CRISPLD1: variants seen among roughly 807,000 people sequenced by gnomAD.
The protein encoded by CRISPLD1 is cysteine rich secretory protein LCCL domain containing 1, also known as cysteine-rich secretory protein LCCL domain-containing 1.
Under a neutral mutation model 77.5 loss-of-function variants are expected in CRISPLD1, and 60 were observed. The observed-to-expected ratio is 0.77, with a 90% CI of 0.63 to 0.96. CRISPLD1 has a LOEUF of 0.96. CRISPLD1 is among the 40% of genes least tolerant of loss of function. CRISPLD1 has a pLI of 0.00. For missense variants in CRISPLD1, 623 were observed against 615.8 expected (o/e 1.01, Z -0.12); for synonymous variants, 195 against 200.1 (o/e 0.97, Z 0.22).
intron 2 of CRISPLD1, 66 bp from the exon 3 acceptor site, chr8:75,012,367 A>G (rs2128785096): frequency 2.2e-6 from 2 of 914,248 alleles, no homozygotes; most frequent in Non-Finnish European, 1.8e-6. Context: ...GAACTGCTCA[A>G]CACTGTGTTC....
At chr8:75,000,115 T>C in intron 2 of CRISPLD1, 1 of 984,330 alleles carries the variant, frequency 1.0e-6, no homozygotes, top group South Asian at 4.7e-5. Context: ...GAATGTCCCC[T>C]GTATGTCATA....
chr8:74,995,733 G>T (rs1311798309), intron 2 of CRISPLD1, among the ~76,000 whole-genome samples: 1 of 152,112 alleles, frequency 6.6e-6, no homozygotes, highest in Non-Finnish European at 1.5e-5. Flanking sequence ...TTTTTATGAT[G>T]ATAAATAGGA....
intron 2 of CRISPLD1, among the ~76,000 whole-genome samples, chr8:75,006,704 T>C (rs1812837296): frequency 1.3e-5 from 2 of 152,240 alleles, no homozygotes; most frequent in South Asian, 4.1e-4. Flanking sequence ...CTAATTTATT[T>C]TATTTATTGA....
intron 12 of CRISPLD1, among the ~76,000 whole-genome samples, chr8:75,021,362 T>C (rs535476425): frequency 6.6e-6 from 1 of 152,304 alleles, no homozygotes; most frequent in East Asian, 1.9e-4. Flanking sequence ...AATAGCCTGT[T>C]TCCTTTCAAA....
chr8:74,991,033 G>T (rs1812565852), intron 2 of CRISPLD1, among the ~76,000 whole-genome samples: 1 of 150,734 alleles, frequency 6.6e-6, no homozygotes, highest in East Asian at 2.0e-4. Context: ...CACTCTGTCA[G>T]CCAGGCTGAA....
rs191319814 is a variant in CRISPLD1, at chr8:75,034,245, G to C, written c.*2003G>C. 6.6e-6 allele frequency: 1 copy of C among 152,026 alleles called. No homozygotes were observed. The highest frequency in any genetic ancestry group is 1.9e-4 in the East Asian group (1 of 5,188). The allele number at this position is 152,026 out of a possible 1,614,324, so 9.4% of individuals were successfully genotyped here. A position where few individuals can be genotyped will look rare whatever the true frequency, so the allele number is the denominator to read the frequency against. ...TGTTTACCTATCTTCTACACAAGGC[G>C]TGTCCTTGGGTAAGTTATTTAACTT... On this transcript the variant is annotated 3_prime_UTR_variant, in exon 15 of 15. Transcript: ENST00000262207.
chr8:75,000,551 C>A, intron 2 of CRISPLD1: 1 of 361,460 alleles, frequency 2.8e-6, no homozygotes, highest in Non-Finnish European at 3.8e-6. Flanking sequence ...TGCCTATTGC[C>A]CTCCCTGTTT....
At chr8:75,002,123 A>T (rs57949488) in intron 2 of CRISPLD1, among the ~76,000 whole-genome samples, 1 of 152,000 alleles carries the variant, frequency 6.6e-6, no homozygotes, top group Non-Finnish European at 1.5e-5. Flanking sequence ...ACATACTCCA[A>T]CCTTTGTTTT....
intron 6 of CRISPLD1, 73 bp from the exon 7 acceptor site, chr8:75,016,487 TTAAAG>T: frequency 7.5e-7 from 1 of 1,341,940 alleles, no homozygotes; most frequent in Admixed American, 2.2e-5. Context: ...AATAGGAGTA[TTAAAG>T]TATATTATTA....
chr8:75,017,821 A>G (rs1447217095), intron 10 of CRISPLD1, among the ~76,000 whole-genome samples: 2 of 152,204 alleles, frequency 1.3e-5, no homozygotes, highest in African/African-American at 4.8e-5. Context: ...ATTTCATGCA[A>G]CAGTAACTTT....
At position 75,014,848 on chromosome 8, in the gene CRISPLD1, G is replaced by T; in HGVS notation, c.663G>T (p.Gly221=). 1.3e-6 allele frequency: 2 copies of T among 1,589,296 alleles called. No homozygotes were observed. Among genetic ancestry groups the T allele is most frequent in the Non-Finnish European group, 1.7e-6 (2 of 1,171,484 alleles). ...GGGGCCATGCCCCTTACAAACATGG[G>T]CGGCCCTGTTCTGCTTGCCCACCTA... The part of the protein sequence containing the change: ...NWWGHAPYKH[G]RPCSACPPSF... Residue 221 remains glycine, a synonymous_variant, in exon 6 of 15, where the codon GGG becomes GGT. Coordinates refer to ENST00000262207, the MANE Select transcript of CRISPLD1 (RefSeq NM_031461.6).
At chr8:74,999,954 G>A (rs925409675) in intron 2 of CRISPLD1, among the ~76,000 whole-genome samples, 4 of 151,028 alleles carry the variant, frequency 2.6e-5, no homozygotes, top group African/African-American at 4.9e-5. Context: ...TACAGCCACC[G>A]ACAGAATAAA....
Position 75,002,489 on chromosome 8 carries a change from TA to T in CRISPLD1, c.259-9933del, listed in dbSNP as rs57220970. ...TGCCACAATAACTAGGGTTCAACAG[TA>T]AAAAAAAAAATAATAATAATGATGA... On this transcript the variant is annotated intron_variant, in intron 2 of 14. Transcript: ENST00000262207. Among the ~76,000 whole-genome samples, 56 of 143,622 alleles carry T rather than the reference TA, an allele frequency of 3.9e-4. 1 individual carries two copies. The highest frequency in any genetic ancestry group is 6.3e-4 in the Admixed American group (9 of 14,196). 94.2% of individuals were successfully genotyped at this position (143,622 alleles called of 152,430 possible). A position where few individuals can be genotyped will look rare whatever the true frequency, so the allele number is the denominator to read the frequency against.
chr8:74,997,379 AG>A (rs1202528354), intron 2 of CRISPLD1, among the ~76,000 whole-genome samples: 1 of 152,132 alleles, frequency 6.6e-6, no homozygotes, highest in African/African-American at 2.4e-5. Context: ...GTTTTTACAA[AG>A]CTCTTTGGTG....
rs913363942 is a variant in CRISPLD1, at chr8:75,014,709, G to A, written c.627-103G>A. ...TTATATGAATGTCTTAAATCTATAC[G>A]CCAAAATAATTACTTAGAATGTTCA... On this transcript the variant is annotated intron_variant, in intron 5 of 14. Coordinates refer to ENST00000262207, the MANE Select transcript of CRISPLD1 (RefSeq NM_031461.6). 41 of 721,150 alleles carry A rather than the reference G, an allele frequency of 5.7e-5. 1 individual carries two copies. The highest frequency in any genetic ancestry group is 1.7e-4 in the South Asian group (9 of 51,520). 44.7% of individuals were successfully genotyped at this position (721,150 alleles called of 1,614,324 possible).
chr8:74,991,599 C>A (rs912967890), intron 2 of CRISPLD1, among the ~76,000 whole-genome samples: 1 of 152,198 alleles, frequency 6.6e-6, no homozygotes, highest in Non-Finnish European at 1.5e-5. Context: ...GGTACTGTCT[C>A]GGCTCACTGC....
chr8:75,012,750 T>C (rs999014821), intron 3 of CRISPLD1, 140 bp from the exon 4 acceptor site: 1 of 905,100 alleles, frequency 1.1e-6, no homozygotes, highest in Non-Finnish European at 1.7e-6. Context: ...TTATTAGTAA[T>C]GTAAGGGGCA....
At chr8:75,009,943 A>G (rs945284143) in intron 2 of CRISPLD1, among the ~76,000 whole-genome samples, 1 of 152,154 alleles carries the variant, frequency 6.6e-6, no homozygotes, top group Non-Finnish European at 1.5e-5. Context: ...TTAATTAATA[A>G]TATGCCTGTA....
At chr8:75,029,550 A>C (rs1338833570) in intron 14 of CRISPLD1, 33 bp downstream of exon 14, 1 of 1,589,406 alleles carries the variant, frequency 6.3e-7, no homozygotes, top group East Asian at 2.2e-5. Flanking sequence ...TATACTTTTA[A>C]ATACCATCTA....
Sources: gnomAD v4.1 joint callset for allele counts (sites outside exome capture counted in the v4.1 genomes callset) on GRCh38, gnomAD v4.1.1 for gene constraint, MANE v1.5 for transcripts, NCBI Gene and HGNC (gene_info 2026-07-23, HGNC 2026-07-21) for gene names.